CDH20: variants seen among roughly 807,000 people sequenced by gnomAD.
CDH20 encodes cadherin 20.
In CDH20, 29 loss-of-function variants were observed where a neutral mutation model predicts 74.2. That is an observed-to-expected ratio of 0.39 (90% CI 0.29 to 0.53). The LOEUF (loss-of-function observed/expected upper bound fraction) is 0.53. CDH20 is among the 20% of genes least tolerant of loss of function. The pLI, the probability that CDH20 is intolerant of heterozygous loss-of-function variation, is 0.69. For synonymous variants in CDH20, 469 were observed against 405.4 expected (o/e 1.16, Z -1.88); for missense variants, 988 against 1,048.3 (o/e 0.94, Z 0.79).
intron 1 of CDH20, among the ~76,000 whole-genome samples, chr18:61,462,723 A>T (rs1215214604): frequency 1.6e-5 from 2 of 128,518 alleles, no homozygotes; most frequent in African/African-American, 2.9e-5. Context: ...CAAAAAAAAA[A>T]AGGGGGGGGG....
chr18:61,473,844 C>G (rs1452121117), intron 1 of CDH20, among the ~76,000 whole-genome samples: 4 of 152,186 alleles, frequency 2.6e-5, no homozygotes, highest in Admixed American at 2.6e-4. Context: ...ATCTTTTTAA[C>G]TGATACTTTA....
At chr18:61,462,008 C>G (rs1308648227) in intron 1 of CDH20, among the ~76,000 whole-genome samples, 1 of 152,128 alleles carries the variant, frequency 6.6e-6, no homozygotes, top group African/African-American at 2.4e-5. Flanking sequence ...AAGTTACACT[C>G]CTATGCAATT....
At chr18:61,458,632 T>C (rs553917737) in intron 1 of CDH20, among the ~76,000 whole-genome samples, 9 of 152,196 alleles carry the variant, frequency 5.9e-5, no homozygotes, top group Non-Finnish European at 1.3e-4. Context: ...CTGTGACTCC[T>C]TCAGGATCTG....
chr18:61,519,154 C>T (rs1172551162), intron 6 of CDH20, among the ~76,000 whole-genome samples: 1 of 151,274 alleles, frequency 6.6e-6, no homozygotes, highest in Non-Finnish European at 1.5e-5. Flanking sequence ...GTTTGTTGTA[C>T]CTGAAAGTGA....
intron 1 of CDH20, among the ~76,000 whole-genome samples, chr18:61,341,607 G>T (rs188118432): frequency 1.1e-4 from 16 of 152,214 alleles, no homozygotes; most frequent in Admixed American, 3.3e-4. Flanking sequence ...ACATCAATTT[G>T]CAGAGGCACC....
chr18:61,486,122 A>C (rs763314583), intron 1 of CDH20, among the ~76,000 whole-genome samples: 3 of 152,202 alleles, frequency 2.0e-5, no homozygotes, highest in Non-Finnish European at 4.4e-5. Flanking sequence ...AGGAGTTAAA[A>C]TCCTTCTGTA....
At chr18:61,463,286 C>G (rs1909849996) in intron 1 of CDH20, among the ~76,000 whole-genome samples, 1 of 152,174 alleles carries the variant, frequency 6.6e-6, no homozygotes. Flanking sequence ...GTATCATCCT[C>G]AAGAGAATCA....
At chr18:61,500,900 GC>G (rs1911356631) in intron 4 of CDH20, among the ~76,000 whole-genome samples, 1 of 152,224 alleles carries the variant, frequency 6.6e-6, no homozygotes, top group Non-Finnish European at 1.5e-5. Flanking sequence ...ACTGGAAAGA[GC>G]CTTGGGGGAA....
In CDH20 at chr18:61,500,325, T is replaced by C. The variant is rs932928880; in HGVS notation, c.542-58T>C. The C allele has an allele frequency of 2.5e-6, 4 of 1,570,418 alleles. No homozygotes were observed. In the African/African-American group the frequency reaches 4.1e-5, roughly 16 times the overall value. On this transcript the variant is annotated intron_variant, in intron 3 of 11. Coordinates refer to ENST00000262717, the MANE Select transcript of CDH20 (RefSeq NM_031891.4). ...ATGCTTTAAGATGGACCGCTCAGGA[T>C]TGCATCCAGCCTTTAGCTATTAGAC... is the stretch of plus-strand genomic sequence containing the variant.
intron 1 of CDH20, among the ~76,000 whole-genome samples, chr18:61,431,742 A>G (rs944072254): frequency 2.6e-5 from 4 of 152,174 alleles, no homozygotes; most frequent in Non-Finnish European, 5.9e-5. Context: ...AATTTCTTTG[A>G]TGATTAGCGA....
At chr18:61,359,634 A>T (rs1175484210) in intron 1 of CDH20, among the ~76,000 whole-genome samples, 1 of 152,160 alleles carries the variant, frequency 6.6e-6, no homozygotes, top group Non-Finnish European at 1.5e-5. Context: ...CGGTTTATTT[A>T]AAAAAAGAAA....
rs1428838724 is a variant in CDH20, at chr18:61,496,195, T to C, written c.247-2991T>C. Among the ~76,000 whole-genome samples the C allele has an allele frequency of 8.5e-5, 3 of 35,240 alleles. No homozygotes were observed. The East Asian group carries it at 4.5e-3, about 53-fold the overall frequency. 23.1% of individuals were successfully genotyped at this position (35,240 alleles called of 152,430 possible). ...CCCTCCCTCTCCCCCCCTCCTCCCT[T>C]CCTCTCCCCCCTCTATCCCTCTCCC... On this transcript the variant is annotated intron_variant, in intron 2 of 11. Coordinates refer to ENST00000262717, the MANE Select transcript of CDH20 (RefSeq NM_031891.4).
At position 61,502,866 on chromosome 18, in the gene CDH20, G is replaced by T. The variant is rs189034615; in HGVS notation, c.662-87G>T. 3.6e-6 allele frequency: 4 copies of T among 1,097,594 alleles called. 1 individual carries two copies. The South Asian group carries it at 6.6e-5, about 18-fold the overall frequency. 68.0% of individuals were successfully genotyped at this position (1,097,594 alleles called of 1,614,324 possible). Reference sequence around the variant, plus strand: ...TGCACCTCACTTCTAGGCATTAATGGTGCACCAGGGAGACACCTAGAAACC... The same window carrying T: ...TGCACCTCACTTCTAGGCATTAATGTTGCACCAGGGAGACACCTAGAAACC... On this transcript the variant is annotated intron_variant, in intron 4 of 11. Coordinates refer to ENST00000262717, the MANE Select transcript of CDH20 (RefSeq NM_031891.4).
chr18:61,414,160 G>T (rs1912608319), intron 1 of CDH20, among the ~76,000 whole-genome samples: 1 of 152,088 alleles, frequency 6.6e-6, no homozygotes, highest in African/African-American at 2.4e-5. Flanking sequence ...ATGTCGATGT[G>T]GTTGGTACTA....
chr18:61,437,760 T>C (rs1412186921), intron 1 of CDH20, among the ~76,000 whole-genome samples: 2 of 152,172 alleles, frequency 1.3e-5, no homozygotes, highest in South Asian at 2.1e-4. Context: ...AGGTTGACCA[T>C]TACAGTGACT....
chr18:61,493,448 A>G (rs1268910938), intron 2 of CDH20, among the ~76,000 whole-genome samples: 4 of 152,156 alleles, frequency 2.6e-5, no homozygotes, highest in African/African-American at 9.7e-5. Context: ...TTTGAATGCT[A>G]TCAGAGCTCC....
At chr18:61,451,320 A>T (rs976832828) in intron 1 of CDH20, among the ~76,000 whole-genome samples, 1 of 152,040 alleles carries the variant, frequency 6.6e-6, no homozygotes, top group African/African-American at 2.4e-5. Context: ...AAAATTATTA[A>T]ATTATATAAA....
At chr18:61,530,009 G>A (rs1445839009) in intron 7 of CDH20, among the ~76,000 whole-genome samples, 2 of 152,178 alleles carry the variant, frequency 1.3e-5, no homozygotes, top group Non-Finnish European at 2.9e-5. Flanking sequence ...TTCTGGGGCA[G>A]GACTGCAGAT....
chr18:61,348,083 G>A lies in CDH20; in HGVS notation c.-153+14256G>A, dbSNP rs566367988. Reference sequence around the variant, plus strand: ...GCTACCTGCCATCAACCTTTCTCCTGGTTATAATTGATTTCATTTTTTTGG... The same window carrying A: ...GCTACCTGCCATCAACCTTTCTCCTAGTTATAATTGATTTCATTTTTTTGG... On this transcript the variant is annotated intron_variant, in intron 1 of 11. Coordinates refer to ENST00000262717, the MANE Select transcript of CDH20 (RefSeq NM_031891.4). 3.7e-4 allele frequency among the ~76,000 whole-genome samples: 57 copies of A among 152,172 alleles called. No individual in the cohort carries two copies. The South Asian group carries it at 0.012, about 32-fold the overall frequency.
Sources: allele counts gnomAD v4.1 joint callset (sites outside exome capture counted in the v4.1 genomes callset), GRCh38; gene constraint gnomAD v4.1.1; transcripts MANE v1.5; gene names NCBI Gene and HGNC (gene_info 2026-07-23, HGNC 2026-07-21).